The following RORB variants were observed in gnomAD, a reference collection of about 807,000 sequenced individuals.
The protein encoded by RORB is nuclear receptor ROR-beta.
A neutral mutation model predicts 59.1 loss-of-function variants in RORB; 6 were observed. That is an observed-to-expected ratio of 0.10 (90% CI 0.06 to 0.20). The LOEUF is 0.20. Among genes scored for constraint, RORB ranks in the 10% least tolerant of loss-of-function variants. RORB has a pLI of 1.00. For synonymous variants in RORB, 215 were observed against 204.5 expected, an observed-to-expected ratio of 1.05 and a Z score of -0.44; for missense variants, 320 against 560.5, an observed-to-expected ratio of 0.57 and a Z score of 4.33.
chr9:74,628,978 C>T (rs1375333927), intron 1 of RORB, among the ~76,000 whole-genome samples: 1 of 152,084 alleles, frequency 6.6e-6, no homozygotes, highest in East Asian at 1.9e-4. Context: ...CATGCCCCAC[C>T]ATATTCCACC....
At chr9:74,631,714 T>C (rs922513428) in intron 2 of RORB, among the ~76,000 whole-genome samples, 23 of 152,214 alleles carry the variant, frequency 1.5e-4, no homozygotes, top group African/African-American at 5.1e-4. Flanking sequence ...ACTTTAAAGA[T>C]GATTAGTGAT....
intron 1 of RORB, among the ~76,000 whole-genome samples, chr9:74,583,214 A>G (rs1723884435): frequency 6.6e-6 from 1 of 152,096 alleles, no homozygotes; most frequent in African/African-American, 2.4e-5. Context: ...CCAACTTACT[A>G]TTGCCTCAGT....
At chr9:74,630,563 A>G (rs1015721529) in intron 2 of RORB, among the ~76,000 whole-genome samples, 196 bp downstream of exon 2, 2 of 152,060 alleles carry the variant, frequency 1.3e-5, no homozygotes, top group African/African-American at 4.8e-5. Context: ...TTATTGTCTA[A>G]CTGGTCAGCA....
At chr9:74,591,101 GT>G (rs1379997686) in intron 1 of RORB, among the ~76,000 whole-genome samples, 1 of 152,108 alleles carries the variant, frequency 6.6e-6, no homozygotes, top group African/African-American at 2.4e-5. Context: ...AGCCAAATTG[GT>G]TATTTTAAAA....
intron 1 of RORB, among the ~76,000 whole-genome samples, chr9:74,555,039 G>A (rs973234575): frequency 3.3e-5 from 5 of 152,194 alleles, no homozygotes; most frequent in Non-Finnish European, 5.9e-5. Flanking sequence ...GGCTATCTGA[G>A]GAGATCAGTC....
chr9:74,507,218 T>G lies in RORB; in HGVS notation c.7+9235T>G, dbSNP rs1300380415. On this transcript the variant is annotated intron_variant, in intron 1 of 9. Coordinates refer to ENST00000376896, the MANE Select transcript of RORB (RefSeq NM_006914.4). ...TGGAGAACAGTCGTTTTACTTGAAG[T>G]GTTACATATAACTTAAGTCTAGTGT... Among the ~76,000 whole-genome samples, 8 of 152,126 alleles carry G rather than the reference T, an allele frequency of 5.3e-5. No individual in the cohort carries two copies. The East Asian group carries it at 1.5e-3, about 29-fold the overall frequency.
intron 3 of RORB, among the ~76,000 whole-genome samples, chr9:74,637,375 A>C (rs1734720122): frequency 1.3e-5 from 2 of 152,234 alleles, no homozygotes; most frequent in African/African-American, 2.4e-5. Flanking sequence ...TCGGTTTATT[A>C]GCTATCGAAT....
chr9:74,561,178 G>A (rs1822392152), intron 1 of RORB, among the ~76,000 whole-genome samples: 1 of 151,916 alleles, frequency 6.6e-6, no homozygotes, highest in South Asian at 2.1e-4. Context: ...CTTCCTGAGA[G>A]GTCTTCATTG....
chr9:74,600,812 G>T (rs1489265910), intron 1 of RORB, among the ~76,000 whole-genome samples: 1 of 152,082 alleles, frequency 6.6e-6, no homozygotes, highest in Non-Finnish European at 1.5e-5. Flanking sequence ...ATAATGTATA[G>T]TTTACCAAAA....
intron 1 of RORB, among the ~76,000 whole-genome samples, chr9:74,603,962 GGAGA>G (rs1186880208): frequency 1.3e-5 from 2 of 152,230 alleles, no homozygotes; most frequent in African/African-American, 4.8e-5. Flanking sequence ...AAAGGAAAGA[GGAGA>G]GAGTTTATTC....
intron 1 of RORB, among the ~76,000 whole-genome samples, chr9:74,617,045 A>G (rs1823323366): frequency 6.6e-6 from 1 of 151,702 alleles, no homozygotes; most frequent in African/African-American, 2.4e-5. Flanking sequence ...AGTAATTCCT[A>G]GTTTTCAGTA....
Position 74,605,309 on chromosome 9 carries a change from G to C in RORB, c.8-24973G>C, listed in dbSNP as rs185140451. On this transcript the variant is annotated intron_variant, in intron 1 of 9. Transcript: ENST00000376896. ...TTTACGGCAGGTAGTCAAATTTCAC[G>C]AGGGTTAGGAGGATTGTAGATAGCC... 8.0e-3 allele frequency among the ~76,000 whole-genome samples: 1,215 copies of C among 152,256 alleles called. 10 individuals are homozygous for C. Among genetic ancestry groups the C allele is most frequent in the Non-Finnish European group, 0.013 (887 of 68,020 alleles).
At chr9:74,552,519 T>C (rs537645896) in intron 1 of RORB, among the ~76,000 whole-genome samples, 2 of 152,238 alleles carry the variant, frequency 1.3e-5, no homozygotes, top group African/African-American at 4.8e-5. Context: ...TATTAATAAA[T>C]AGAGCACTTT....
At chr9:74,555,488 A>G (rs1001794401) in intron 1 of RORB, among the ~76,000 whole-genome samples, 6 of 152,220 alleles carry the variant, frequency 3.9e-5, no homozygotes, top group African/African-American at 1.4e-4. Flanking sequence ...GTATGTTTCC[A>G]TTTTAAATTT....
intron 6 of RORB, 52 bp downstream of exon 6, chr9:74,662,658 C>A: frequency 6.3e-7 from 1 of 1,590,800 alleles, no homozygotes; most frequent in Non-Finnish European, 8.6e-7. Context: ...TGTGGTCAGC[C>A]CTTAGCACTG....
At chr9:74,663,488 C>T (rs1263682146) in intron 6 of RORB, among the ~76,000 whole-genome samples, 3 of 152,154 alleles carry the variant, frequency 2.0e-5, no homozygotes, top group African/African-American at 7.2e-5. Context: ...TTCTAAGATC[C>T]CTTCTTTACC....
chr9:74,683,061 G>GAGTAGGTCCCAGTAATCTGC (rs2118577793), intron 9 of RORB, among the ~76,000 whole-genome samples: 1 of 152,274 alleles, frequency 6.6e-6, no homozygotes, highest in East Asian at 1.9e-4. Context: ...AATCCTCTAG[G>GAGTAGGTCCCAGTAATCTGC]AGTAGGTCCC....
chr9:74,582,805 G>T (rs181950695), intron 1 of RORB, among the ~76,000 whole-genome samples: 30 of 152,104 alleles, frequency 2.0e-4, no homozygotes, highest in African/African-American at 7.0e-4. Context: ...ATATTAGCTT[G>T]CAACTTCCTA....
intron 1 of RORB, among the ~76,000 whole-genome samples, chr9:74,574,852 A>T (rs1394200975): frequency 6.6e-6 from 1 of 152,164 alleles, no homozygotes; most frequent in Admixed American, 6.6e-5. Context: ...ACAGAAAGCA[A>T]CACCTCAGGA....
Sources: allele counts gnomAD v4.1 joint callset (sites outside exome capture counted in the v4.1 genomes callset), GRCh38; gene constraint gnomAD v4.1.1; transcripts MANE v1.5; gene names NCBI Gene and HGNC (gene_info 2026-07-23, HGNC 2026-07-21).